ARSB: variants seen among roughly 807,000 people sequenced by gnomAD.
The protein encoded by ARSB is arylsulfatase B.
ARSB carries 41 observed loss-of-function variants against 50.9 expected under a neutral mutation model. The ratio of observed to expected loss-of-function variants is 0.81; its 90% CI spans 0.63 to 1.04. The LOEUF (loss-of-function observed/expected upper bound fraction) is 1.04. ARSB is among the 50% of genes least tolerant of loss of function. The pLI, the probability that ARSB is intolerant of heterozygous loss-of-function variation, is 0.00. For missense variants in ARSB, 672 were observed against 693.3 expected, an observed-to-expected ratio of 0.97 and a Z score of 0.35; for synonymous variants, 269 against 284.8, an observed-to-expected ratio of 0.94 and a Z score of 0.56.
At chr5:78,983,764 A>G (rs1753021448) in intron 1 of ARSB, among the ~76,000 whole-genome samples, 1 of 152,170 alleles carries the variant, frequency 6.6e-6, no homozygotes, top group Admixed American at 6.5e-5. Context: ...TATCTTTATC[A>G]CAAGTAAGCC....
intron 1 of ARSB, among the ~76,000 whole-genome samples, chr5:78,977,223 G>A (rs993175047): frequency 8.6e-5 from 13 of 151,016 alleles, no homozygotes; most frequent in African/African-American, 2.2e-4. Flanking sequence ...GCGCAATCTC[G>A]GCTCACTGCA....
chr5:78,897,011 G>T (rs1380449419), intron 4 of ARSB, among the ~76,000 whole-genome samples: 1 of 151,908 alleles, frequency 6.6e-6, no homozygotes, highest in African/African-American at 2.4e-5. Context: ...TACAGTTATA[G>T]ACGAAATAAA....
chr5:78,869,909 A>C (rs1013302904), intron 5 of ARSB, among the ~76,000 whole-genome samples: 1 of 151,728 alleles, frequency 6.6e-6, no homozygotes, highest in Non-Finnish European at 1.5e-5. Flanking sequence ...AAATTGATAG[A>C]CCGCTAGCAA....
Position 78,792,747 on chromosome 5 carries a change from T to C in ARSB, c.1214-10773A>G, listed in dbSNP as rs902332809. Among the ~76,000 whole-genome samples, 6 of 152,242 alleles carry C rather than the reference T, an allele frequency of 3.9e-5. No homozygotes were observed. In the South Asian group the frequency reaches 6.2e-4, roughly 16 times the overall value. On this transcript the variant is annotated intron_variant, in intron 6 of 7. Transcript: ENST00000264914. ...GGTGGTCGCCATAAGCCCAGGCAAA[T>C]AGGTAAAACCAACTGACCAACTGAA...
At chr5:78,790,512 T>C (rs1749207515) in intron 6 of ARSB, among the ~76,000 whole-genome samples, 1 of 152,218 alleles carries the variant, frequency 6.6e-6, no homozygotes, top group Non-Finnish European at 1.5e-5. Context: ...AGATAAGACA[T>C]ATATAGTGCT....
intron 4 of ARSB, 48 bp downstream of exon 4, chr5:78,955,247 C>T (rs975766834): frequency 1.9e-6 from 3 of 1,589,104 alleles, no homozygotes; most frequent in Non-Finnish European, 2.6e-6. Flanking sequence ...TATCAAATAC[C>T]ATGTCCTAGG....
intron 5 of ARSB, among the ~76,000 whole-genome samples, chr5:78,864,603 C>A (rs1012343912): frequency 1.3e-5 from 2 of 152,134 alleles, no homozygotes; most frequent in Non-Finnish European, 2.9e-5. Flanking sequence ...ATTTCAAAAC[C>A]AATCATGCCT....
At chr5:78,904,404 A>C (rs1748945144) in intron 4 of ARSB, among the ~76,000 whole-genome samples, 2 of 151,650 alleles carry the variant, frequency 1.3e-5, no homozygotes, top group African/African-American at 4.8e-5. Context: ...TTTAGTTTTC[A>C]GCAGTTCCAT....
At chr5:78,889,749 T>C (rs1231309429) in intron 4 of ARSB, among the ~76,000 whole-genome samples, 1 of 152,142 alleles carries the variant, frequency 6.6e-6, no homozygotes, top group East Asian at 1.9e-4. Context: ...CTGATAAAAA[T>C]CAAAATGAAA....
intron 6 of ARSB, among the ~76,000 whole-genome samples, chr5:78,829,594 A>G (rs1561444584): frequency 6.6e-6 from 1 of 152,208 alleles, no homozygotes; most frequent in Non-Finnish European, 1.5e-5. Flanking sequence ...GCCAGAGGTA[A>G]CAGACTTCAG....
intron 4 of ARSB, among the ~76,000 whole-genome samples, chr5:78,942,446 T>G (rs969564089): frequency 6.6e-6 from 1 of 152,256 alleles, no homozygotes; most frequent in Non-Finnish European, 1.5e-5. Flanking sequence ...CTCTACACAC[T>G]GCTTTGAATG....
In ARSB at chr5:78,778,882, G is replaced by GCGGTATA. The variant is rs996102871; in HGVS notation, c.*1508_*1514dup. The GCGGTATA allele has an allele frequency of 6.6e-6, 1 of 152,086 alleles. No homozygotes were observed. The highest frequency in any genetic ancestry group is 2.4e-5 in the African/African-American group (1 of 41,398). 9.4% of individuals were successfully genotyped at this position (152,086 alleles called of 1,614,324 possible). Reference sequence around the variant, plus strand: ...CAAAAAATAAAATTAGCTGGGTGTGGCGGTATATGCCTGTAGTTCCAGCTA... The same window carrying GCGGTATA: ...CAAAAAATAAAATTAGCTGGGTGTGGCGGTATACGGTATATGCCTGTAGTTCCAGCTA... On this transcript the variant is annotated 3_prime_UTR_variant, in exon 8 of 8. Coordinates refer to ENST00000264914, the MANE Select transcript of ARSB (RefSeq NM_000046.5).
intron 6 of ARSB, among the ~76,000 whole-genome samples, chr5:78,823,917 C>T (rs759069154): frequency 1.3e-5 from 2 of 152,146 alleles, no homozygotes; most frequent in Non-Finnish European, 2.9e-5. Context: ...TATCTGTTTC[C>T]TCCAAATCTC....
At chr5:78,906,058 G>A (rs1749051789) in intron 4 of ARSB, among the ~76,000 whole-genome samples, 1 of 151,902 alleles carries the variant, frequency 6.6e-6, no homozygotes, top group Non-Finnish European at 1.5e-5. Context: ...CCTGTCTTGG[G>A]GTAGAGTTAA....
chr5:78,910,654 T>A (rs1403430180), intron 4 of ARSB, among the ~76,000 whole-genome samples: 1 of 152,146 alleles, frequency 6.6e-6, no homozygotes, highest in African/African-American at 2.4e-5. Context: ...AAATAGAACA[T>A]CTCTTCTATT....
At chr5:78,911,873 C>A (rs1749328146) in intron 4 of ARSB, among the ~76,000 whole-genome samples, 2 of 152,082 alleles carry the variant, frequency 1.3e-5, no homozygotes, top group Admixed American at 6.5e-5. Context: ...AGGGGCAAAT[C>A]CACTATTAAA....
intron 3 of ARSB, among the ~76,000 whole-genome samples, chr5:78,958,977 C>T (rs1751862271): frequency 6.6e-6 from 1 of 152,146 alleles, no homozygotes; most frequent in Non-Finnish European, 1.5e-5. Flanking sequence ...TTCTTTTAAG[C>T]TCCCCTAAAT....
intron 6 of ARSB, among the ~76,000 whole-genome samples, chr5:78,792,003 C>T (rs1749249700): frequency 6.6e-6 from 1 of 151,582 alleles, no homozygotes; most frequent in Admixed American, 6.6e-5. Context: ...ACATAAAATA[C>T]ACTAACACTA....
intron 4 of ARSB, among the ~76,000 whole-genome samples, chr5:78,922,710 C>G (rs1749880971): frequency 6.6e-6 from 1 of 150,428 alleles, no homozygotes; most frequent in Admixed American, 6.6e-5. Context: ...GCAGCTTAAG[C>G]ATCAGCTCAG....
Sources: allele counts gnomAD v4.1 joint callset (sites outside exome capture counted in the v4.1 genomes callset), GRCh38; gene constraint gnomAD v4.1.1; transcripts MANE v1.5; gene names NCBI Gene and HGNC (gene_info 2026-07-23, HGNC 2026-07-21).